The following UBTF variants were observed in gnomAD, a reference collection of about 807,000 sequenced individuals.
The protein encoded by UBTF is nucleolar transcription factor 1.
A neutral mutation model predicts 112.3 loss-of-function variants in UBTF; 8 were observed. That is an observed-to-expected ratio of 0.07 (90% CI 0.04 to 0.13). UBTF has a LOEUF of 0.13. UBTF is among the 10% of genes least tolerant of loss of function. The pLI, the probability that UBTF is intolerant of heterozygous loss-of-function variation, is 1.00. For missense variants in UBTF, 457 were observed against 982.1 expected, an observed-to-expected ratio of 0.47 and a Z score of 7.15; for synonymous variants, 417 against 373.1, an observed-to-expected ratio of 1.12 and a Z score of -1.36.
intron 13 of UBTF, 37 bp from the exon 14 acceptor site, chr17:44,210,510 C>T (rs1343484110): frequency 6.5e-7 from 1 of 1,530,034 alleles, no homozygotes. Flanking sequence ...TTCCACCCAC[C>T]CCCAGGGGGC....
rs1284529403 is a variant in UBTF at position 44,211,824 on chromosome 17, C to A, written c.905+49G>T. On this transcript the variant is annotated intron_variant, in intron 9 of 20. Coordinates refer to ENST00000436088, the MANE Select transcript of UBTF (RefSeq NM_014233.4). The surrounding 1 kb of genome is among the most constrained non-coding windows in gnomAD (Gnocchi z 4.9). ...GGCCTTCTCACCTGCAGAGCCCAGC[C>A]CAACTTCCCAGCTGCCCACTCGCCC... 6.2e-7 allele frequency: 1 copy of A among 1,602,478 alleles called. No homozygotes were observed. Among genetic ancestry groups the A allele is most frequent in the Non-Finnish European group, 8.5e-7 (1 of 1,175,038 alleles).
At chr17:44,217,970 G>A (rs569111948) in intron 2 of UBTF, among the ~76,000 whole-genome samples, 9 of 152,330 alleles carry the variant, frequency 5.9e-5, no homozygotes, top group Admixed American at 5.9e-4. Context: ...GGAGAGAGGG[G>A]AGGTGAGCCA....
intron 5 of UBTF, 27 bp from the exon 6 acceptor site, chr17:44,213,309 T>G: frequency 6.2e-7 from 1 of 1,608,752 alleles, no homozygotes; most frequent in Non-Finnish European, 8.5e-7. Context: ...ATGGGGTCAC[T>G]CAGGACCCAA....
At chr17:44,213,110 C>T (rs946156109) in intron 6 of UBTF, 108 bp downstream of exon 6, 7 of 1,535,260 alleles carry the variant, frequency 4.6e-6, no homozygotes, top group Non-Finnish European at 6.2e-6. Flanking sequence ...ACATGTGACC[C>T]ATCCTCTTCC....
At chr17:44,212,062 G>A in intron 8 of UBTF, 56 bp from the exon 9 acceptor site, 1 of 1,578,520 alleles carries the variant, frequency 6.3e-7, no homozygotes, top group Non-Finnish European at 8.6e-7. Flanking sequence ...AGCTAGGGCA[G>A]GGGCAGGGGG....
rs1036927504 is a variant in UBTF, at chr17:44,205,088, G to A, written c.*2154C>T. On this transcript the variant is annotated 3_prime_UTR_variant, in exon 21 of 21. Coordinates refer to ENST00000436088, the MANE Select transcript of UBTF (RefSeq NM_014233.4). ...AAAAAGGGAAAACAAAACTTCCACA[G>A]TTGGCTTTAAGCATAGGCAGACACC... 1 of 152,622 alleles carries A rather than the reference G, an allele frequency of 6.6e-6. No individual in the cohort carries two copies. Among genetic ancestry groups the A allele is most frequent in the Non-Finnish European group, 1.5e-5 (1 of 68,044 alleles). The allele number at this position is 152,622 out of a possible 1,614,324, so 9.5% of individuals were successfully genotyped here.
chr17:44,210,659 G>C, intron 13 of UBTF, 133 bp downstream of exon 13: 1 of 1,395,870 alleles, frequency 7.2e-7, no homozygotes, highest in Non-Finnish European at 9.4e-7. Context: ...CGGCTGCTGG[G>C]CGCCGGCCCC....
intron 1 of UBTF, among the ~76,000 whole-genome samples, chr17:44,218,742 CTCCCCCCGGCCGGT>C (rs1241352280): frequency 1.3e-5 from 2 of 151,700 alleles, no homozygotes; most frequent in Non-Finnish European, 2.9e-5. Flanking sequence ...CTCCTCCCGC[CTCCCCCCGGCCGGT>C]TCCCCCCGCC....
Position 44,206,436 on chromosome 17 carries a change from A to C in UBTF, c.*806T>G, listed in dbSNP as rs1275212310. 6.7e-6 allele frequency: 1 copy of C among 148,452 alleles called. No homozygotes were observed. The highest frequency in any genetic ancestry group is 2.5e-5 in the African/African-American group (1 of 39,440). The allele number at this position is 148,452 out of a possible 1,614,324, so 9.2% of individuals were successfully genotyped here. A position where few individuals can be genotyped will look rare whatever the true frequency, so the allele number is the denominator to read the frequency against. On this transcript the variant is annotated 3_prime_UTR_variant, in exon 21 of 21. Transcript: ENST00000436088. ...TTTACACACACACACACACACTCAC[A>C]CTCTTTTGCACACATCCACAGCTGC...
chr17:44,220,064 T>TGCTGCTGCC (rs1326098982), upstream of UBTF, among the ~76,000 whole-genome samples: 2 of 104,630 alleles, frequency 1.9e-5, no homozygotes, highest in East Asian at 3.6e-4. Context: ...CTGCTGCTGC[T>TGCTGCTGCC]GCTGCTGCCG....
At chr17:44,217,968 G>A (rs1293953319) in intron 2 of UBTF, among the ~76,000 whole-genome samples, 1 of 152,220 alleles carries the variant, frequency 6.6e-6, no homozygotes, top group Non-Finnish European at 1.5e-5. Flanking sequence ...AGGGAGAGAG[G>A]GGAGGTGAGC....
At chr17:44,208,254 C>T (rs1390787806) in intron 17 of UBTF, among the ~76,000 whole-genome samples, 1 of 152,034 alleles carries the variant, frequency 6.6e-6, no homozygotes, top group Non-Finnish European at 1.5e-5. Context: ...CAGGCATGTG[C>T]CACCACACCA....
chr17:44,215,994 A>G lies in UBTF; in HGVS notation c.235-5T>C, dbSNP rs755323080. On this transcript the variant is annotated splice_polypyrimidine_tract_variant and splice_region_variant and intron_variant, in intron 3 of 20. Transcript: ENST00000436088. Reference sequence around the variant, plus strand: ...CAATGTACGGAACTTCCTCACCTGGAGGAAGAGGGGTGGGAGGAAGGGGAA... The same window carrying G: ...CAATGTACGGAACTTCCTCACCTGGGGGAAGAGGGGTGGGAGGAAGGGGAA... The G allele has an allele frequency of 1.2e-6, 2 of 1,613,044 alleles. No individual in the cohort carries two copies. Among genetic ancestry groups the G allele is most frequent in the South Asian group, 1.1e-5 (1 of 91,064 alleles).
At position 44,211,840 on chromosome 17, in the gene UBTF, C is replaced by T. The variant is rs749927274; in HGVS notation, c.905+33G>A. ...GAGCCCAGCCCAACTTCCCAGCTGC[C>T]CACTCGCCCACCCATCCCAGGGCAG... On this transcript the variant is annotated intron_variant, in intron 9 of 20. Coordinates refer to ENST00000436088, the MANE Select transcript of UBTF (RefSeq NM_014233.4). This position sits in a 1 kb window ranked among gnomAD's most constrained non-coding sequence, Gnocchi z 4.9. 6.2e-7 allele frequency: 1 copy of T among 1,605,894 alleles called. No homozygotes were observed. Among genetic ancestry groups the T allele is most frequent in the South Asian group, 1.1e-5 (1 of 90,620 alleles).
chr17:44,216,988 C>G (rs116066545), intron 2 of UBTF, among the ~76,000 whole-genome samples: 39 of 152,222 alleles, frequency 2.6e-4, no homozygotes, highest in Admixed American at 8.5e-4. Flanking sequence ...CAAGCTGCAA[C>G]GGGCAGCTAT....
At chr17:44,216,218 G>T (rs565110793) in intron 3 of UBTF, 20 of 604,022 alleles carry the variant, frequency 3.3e-5, no homozygotes, top group South Asian at 8.0e-5. Context: ...AGCAACAAGG[G>T]GACTAACTGA....
upstream of UBTF, among the ~76,000 whole-genome samples, chr17:44,220,001 G>GGGAA (rs1367673281): frequency 6.7e-6 from 1 of 149,332 alleles, no homozygotes; most frequent in African/African-American, 2.5e-5. Context: ...CCGAGGCGGA[G>GGGAA]GGAAGGAAGG....
chr17:44,220,751 A>G (rs1381796239), upstream of UBTF: 1 of 151,462 alleles, frequency 6.6e-6, no homozygotes, highest in Non-Finnish European at 1.5e-5. Context: ...GAGCGTGTGG[A>G]TGGGAGCGCA....
rs1049368210 is a variant in UBTF at position 44,206,391 on chromosome 17, T to G, written c.*851A>C. On this transcript the variant is annotated 3_prime_UTR_variant, in exon 21 of 21. Coordinates refer to ENST00000436088, the MANE Select transcript of UBTF (RefSeq NM_014233.4). Reference sequence around the variant, plus strand: ...TTTCCAGATTCACAACAAACTGATGTGGGCTCTAGGACAGACCCCTTTACA... The same window carrying G: ...TTTCCAGATTCACAACAAACTGATGGGGGCTCTAGGACAGACCCCTTTACA... 2 of 146,826 alleles carry G rather than the reference T, an allele frequency of 1.4e-5. No individual in the cohort carries two copies. The highest frequency in any genetic ancestry group is 3.0e-5 in the Non-Finnish European group (2 of 67,588). 9.1% of individuals were successfully genotyped at this position (146,826 alleles called of 1,614,324 possible).
Sources: allele counts gnomAD v4.1 joint callset (sites outside exome capture counted in the v4.1 genomes callset), GRCh38; gene constraint gnomAD v4.1.1; non-coding constraint Gnocchi (gnomAD v3.1); transcripts MANE v1.5; gene names NCBI Gene and HGNC (gene_info 2026-07-23, HGNC 2026-07-21).